COL4A6: variants seen among roughly 807,000 people sequenced by gnomAD.
The protein encoded by COL4A6 is collagen type IV alpha 6 chain.
Under a neutral mutation model 126.7 loss-of-function variants are expected in COL4A6, and 59 were observed. The ratio of observed to expected loss-of-function variants is 0.47; its 90% confidence interval spans 0.38 to 0.58. COL4A6 has a LOEUF of 0.58. COL4A6 is among the 20% of genes least tolerant of loss of function. The probability of loss-of-function intolerance (pLI) is 0.00; values close to 1 mark genes in which losing one functional copy is unlikely to be tolerated. For missense variants in COL4A6, 1,285 were observed against 1,337.3 expected (o/e 0.96, Z 0.61); for synonymous variants, 547 against 496.6 (o/e 1.10, Z -1.35).
At chrX:108,344,974 C>A (rs1465302421) in intron 2 of COL4A6, among the ~76,000 whole-genome samples, 2 of 111,912 alleles carry the variant, frequency 1.8e-5, no homozygotes, top group African/African-American at 6.5e-5. Flanking sequence ...TCCTATGTTA[C>A]TAATAGTGTC....
chrX:108,407,703 CATTTTACAAT>C (rs2041233523), intron 2 of COL4A6, among the ~76,000 whole-genome samples: 1 of 111,778 alleles, frequency 8.9e-6, no homozygotes, highest in Non-Finnish European at 1.9e-5. Context: ...TAAGGTTAAG[CATTTTACAAT>C]ATTGTAAGAT....
chrX:108,188,374 G>A, intron 21 of COL4A6, 143 bp downstream of exon 21: 1 of 545,018 alleles, frequency 1.8e-6, no homozygotes, highest in Non-Finnish European at 2.7e-6. Context: ...TCTATAGTCA[G>A]ATTTCATGTT....
intron 31 of COL4A6, among the ~76,000 whole-genome samples, chrX:108,173,617 G>A (rs998192046): frequency 1.1e-4 from 12 of 111,951 alleles, no homozygotes; most frequent in African/African-American, 3.6e-4. Context: ...TGATACATCT[G>A]CTATTTATGC....
chrX:108,223,604 G>C (rs1430588417), intron 3 of COL4A6, among the ~76,000 whole-genome samples: 8 of 111,460 alleles, frequency 7.2e-5, no homozygotes, highest in Non-Finnish European at 1.5e-4. Flanking sequence ...AAGCGGGCCT[G>C]GAAAGCACCG....
Position 108,202,790 on chromosome X carries a change from T to C in COL4A6, c.834+138A>G, listed in dbSNP as rs180763174. ...GTGTTTGAGAAACAAGAACATCTCC[T>C]TAAATACCTTCTAATAATAAAGATG... is the stretch of plus-strand genomic sequence containing the variant. On this transcript the variant is annotated intron_variant, in intron 13 of 44. Transcript: ENST00000334504. 226 of 542,479 alleles carry C rather than the reference T, an allele frequency of 4.2e-4. 4 individuals carry two copies. The Admixed American group carries it at 6.0e-3, about 14-fold the overall frequency. 44.7% of individuals were successfully genotyped at this position (542,479 alleles called of 1,213,427 possible). A position where few individuals can be genotyped will look rare whatever the true frequency, so the allele number is the denominator to read the frequency against.
At chrX:108,367,279 A>G (rs1023116582) in intron 2 of COL4A6, among the ~76,000 whole-genome samples, 1 of 112,089 alleles carries the variant, frequency 8.9e-6, no homozygotes, top group African/African-American at 3.2e-5. Context: ...CCTATTTCAT[A>G]GGATTACTGT....
At position 108,179,290 on chromosome X, in the gene COL4A6, C is replaced by T. The variant is rs759430259; in HGVS notation, c.2280G>A (p.Pro760=). ...TTAATCCTTGTAGGCCTTGTTCCCCCGGAGCACCATTTTCAGCACCAAAGA... is the reference window on the plus strand; with the variant it reads ...TTAATCCTTGTAGGCCTTGTTCCCCTGGAGCACCATTTTCAGCACCAAAGA... ...GDIFGAENGA[P]GEQGLQGLTG... is the part of the protein sequence containing the mutation. The change falls in exon 26 of 45, where the codon CCG becomes CCA. Residue 760 remains proline, a synonymous_variant. Transcript: ENST00000334504. The T allele has an allele frequency of 3.7e-5, 45 of 1,209,404 alleles. No individual in the cohort carries two copies. Among genetic ancestry groups the T allele is most frequent in the African/African-American group, 8.8e-5 (5 of 56,904 alleles).
chrX:108,233,316 T>C (rs1211611109), intron 3 of COL4A6, among the ~76,000 whole-genome samples: 3 of 111,881 alleles, frequency 2.7e-5, no homozygotes, highest in Admixed American at 9.5e-5. Context: ...ATCATTGATA[T>C]GCTATACAAC....
chrX:108,434,546 T>C (rs2064228864), intron 2 of COL4A6, among the ~76,000 whole-genome samples: 1 of 111,300 alleles, frequency 9.0e-6, no homozygotes, highest in Admixed American at 9.6e-5. Context: ...CATTAAAATG[T>C]ATAATAAAAC....
chrX:108,175,815 C>CT lies in COL4A6; in HGVS notation c.2687-19dup. On this transcript the variant is annotated intron_variant, in intron 28 of 44. Coordinates refer to ENST00000334504, the MANE Select transcript of COL4A6 (RefSeq NM_033641.4). ...CTTCTCTCCTGTTGAAAAACAAGAA[C>CT]TTTTATTATCACTCCCATTTTACAT... 2 of 1,175,270 alleles carry CT rather than the reference C, an allele frequency of 1.7e-6. No individual in the cohort carries two copies. Among genetic ancestry groups the CT allele is most frequent in the Non-Finnish European group, 2.3e-6 (2 of 877,681 alleles).
At chrX:108,179,693 C>G (rs907032120) in intron 25 of COL4A6, among the ~76,000 whole-genome samples, 5 of 108,519 alleles carry the variant, frequency 4.6e-5, no homozygotes, top group Non-Finnish European at 9.5e-5. Flanking sequence ...TCCTGAGGGT[C>G]CTACAGTTGT....
At position 108,406,841 on chromosome X, in the gene COL4A6, T is replaced by C. The variant is rs185488809; in HGVS notation, c.63+31101A>G. On this transcript the variant is annotated intron_variant, in intron 2 of 44. Transcript: ENST00000334504. ...TTCAATTAGACTGCCATGCAATAAA[T>C]GTGAAGGCATTTTTTTGTGTGTGTC... Among the ~76,000 whole-genome samples, 4 of 110,732 alleles carry C rather than the reference T, an allele frequency of 3.6e-5. No individual in the cohort carries two copies. In the East Asian group the frequency reaches 1.1e-3, roughly 31 times the overall value.
chrX:108,361,411 T>TATG (rs1273298913), intron 2 of COL4A6, among the ~76,000 whole-genome samples: 3 of 111,939 alleles, frequency 2.7e-5, no homozygotes, highest in Non-Finnish European at 5.6e-5. Flanking sequence ...GAAGCCATAC[T>TATG]GGTTATCATA....
chrX:108,346,870 T>G (rs969891245), intron 2 of COL4A6, among the ~76,000 whole-genome samples: 1 of 111,888 alleles, frequency 8.9e-6, no homozygotes, highest in Non-Finnish European at 1.9e-5. Flanking sequence ...GTAGTGATGG[T>G]GGGTCAGGTC....
rs944724181 is a variant in COL4A6 at position 108,366,923 on chromosome X, T to C, written c.64-56095A>G. Among the ~76,000 whole-genome samples the C allele has an allele frequency of 3.6e-5, 4 of 112,102 alleles. No homozygotes were observed. In the East Asian group the frequency reaches 8.4e-4, roughly 24 times the overall value. On this transcript the variant is annotated intron_variant, in intron 2 of 44. Coordinates refer to ENST00000334504, the MANE Select transcript of COL4A6 (RefSeq NM_033641.4). The stretch of plus-strand genomic sequence containing the variant: ...TTTCTTTTCAGTTGCAAACAATGTG[T>C]TTGGCCACATTGGAATTAAGTGGGT...
intron 19 of COL4A6, 113 bp downstream of exon 19, chrX:108,191,280 T>G: frequency 2.1e-6 from 2 of 935,600 alleles, no homozygotes; most frequent in Admixed American, 2.8e-5. Context: ...GCAATTATCA[T>G]GTATCCTGGC....
At chrX:108,360,517 A>G (rs1258738511) in intron 2 of COL4A6, among the ~76,000 whole-genome samples, 1 of 104,494 alleles carries the variant, frequency 9.6e-6, no homozygotes, top group Non-Finnish European at 1.9e-5. Context: ...CAGTTTCATG[A>G]GAGTTGACAC....
At chrX:108,230,890 G>T in intron 3 of COL4A6, among the ~76,000 whole-genome samples, 1 of 111,833 alleles carries the variant, frequency 8.9e-6, no homozygotes. Context: ...TAATGAACTA[G>T]CATTGCCTGC....
At chrX:108,198,182 C>G (rs2035280123) in intron 13 of COL4A6, among the ~76,000 whole-genome samples, 1 of 111,473 alleles carries the variant, frequency 9.0e-6, no homozygotes, top group African/African-American at 3.3e-5. Flanking sequence ...TCTCCAAGGC[C>G]CATTACTACA....
Sources: allele counts gnomAD v4.1 joint callset (sites outside exome capture counted in the v4.1 genomes callset), GRCh38; gene constraint gnomAD v4.1.1; transcripts MANE v1.5; gene names NCBI Gene and HGNC (gene_info 2026-07-23, HGNC 2026-07-21).